The following BTBD17 variants were observed in gnomAD, a reference collection of about 807,000 sequenced individuals.
The protein encoded by BTBD17 is BTB/POZ domain-containing protein 17.
A neutral mutation model predicts 36.9 loss-of-function variants in BTBD17; 26 were observed. The ratio of observed to expected loss-of-function variants is 0.70; its 90% CI spans 0.52 to 0.98. The LOEUF (loss-of-function observed/expected upper bound fraction) is 0.98. Ranked by LOEUF, BTBD17 falls within the 50% of genes least tolerant of loss-of-function variation. BTBD17 has a pLI of 0.00. For missense variants in BTBD17, 630 were observed against 691.3 expected (o/e 0.91, Z 0.99); for synonymous variants, 341 against 338.0 (o/e 1.01, Z -0.10).
chr17:74,359,933 G>A, intron 2 of BTBD17, 36 bp downstream of exon 2: 1 of 1,584,768 alleles, frequency 6.3e-7, no homozygotes, highest in Non-Finnish European at 8.6e-7. Context: ...GGCTGAGGAA[G>A]GGATGAAGCC....
upstream of BTBD17, chr17:74,361,898 G>A (rs62063604): frequency 1.9e-3 from 2,314 of 1,210,228 alleles, 4 homozygotes; most frequent in Middle Eastern, 2.5e-3. Context: ...TCCTTATATA[G>A]GATCCGGCAC....
chr17:74,361,159 T>C (rs1265048762), intron 1 of BTBD17, among the ~76,000 whole-genome samples: 1 of 152,230 alleles, frequency 6.6e-6, no homozygotes, highest in African/African-American at 2.4e-5. Context: ...GGCCCTTTGC[T>C]TATGCTCCAG....
chr17:74,360,108 C>T lies in BTBD17; in HGVS notation c.223G>A (p.Asp75Asn), dbSNP rs571887144. The change falls in exon 2 of 3, where the codon GAT becomes AAT. Residue 75 changes from aspartate (D) to asparagine (N), a missense_variant. Asp to Asn is a conservative substitution (Grantham distance 23). Coordinates refer to ENST00000375366, the MANE Select transcript of BTBD17 (RefSeq NM_001080466.2). ...TGGGCGTGGAATACCCGGACCTCAT[C>T]GGTGCCCGCAGCCTGCACCCGCAGA... ...VVLRVQAAGT[D>N]EVRVFHAHRL... 7.4e-6 allele frequency: 12 copies of T among 1,613,304 alleles called. No homozygotes were observed. Among genetic ancestry groups the T allele is most frequent in the Admixed American group, 3.3e-5 (2 of 60,024 alleles).
intron 2 of BTBD17, among the ~76,000 whole-genome samples, chr17:74,358,900 T>C (rs1334516275): frequency 6.6e-6 from 1 of 152,236 alleles, no homozygotes; most frequent in East Asian, 1.9e-4. Context: ...TGCTGGTCAA[T>C]GGGCGCAGTT....
Position 74,356,425 on chromosome 17 carries a change from C to A in BTBD17, c.*232G>T. 1.6e-6 allele frequency: 1 copy of A among 632,708 alleles called. No homozygotes were observed. The highest frequency in any genetic ancestry group is 3.6e-5 in the East Asian group (1 of 28,160). 39.2% of individuals were successfully genotyped at this position (632,708 alleles called of 1,614,324 possible). A position where few individuals can be genotyped will look rare whatever the true frequency, so the allele number is the denominator to read the frequency against. On this transcript the variant is annotated 3_prime_UTR_variant, in exon 3 of 3. Transcript: ENST00000375366. This position sits in a 1 kb window ranked among gnomAD's most constrained non-coding sequence, Gnocchi z 4.3. The stretch of plus-strand genomic sequence containing the variant: ...GTGGTTCAATCATCCCTTTACCACT[C>A]TGAGCATCGGTTTATTCAGGACCAA...
Position 74,356,995 on chromosome 17 carries a change from C to A in BTBD17, c.1099G>T (p.Val367Phe). 6.7e-7 allele frequency: 1 copy of A among 1,485,874 alleles called. No homozygotes were observed. The highest frequency in any genetic ancestry group is 2.4e-5 in the Admixed American group (1 of 41,654). 92.0% of individuals were successfully genotyped at this position (1,485,874 alleles called of 1,614,324 possible). ...TCCGCGTAAACGGGCCGCAGGCTGA[C>A]GGGCAGCCAGCGCGGCGAGAAGAGC... ...NVLFSPRWLP[V>F]SLRPVYADAA... Residue 367 changes from valine (V) to phenylalanine (F), a missense_variant, in exon 3 of 3, where the codon GTC becomes TTC. By Grantham distance (50) the Val-to-Phe change is conservative. Transcript: ENST00000375366. The surrounding 1 kb of genome is among the most constrained non-coding windows in gnomAD (Gnocchi z 4.3).
At position 74,356,624 on chromosome 17, in the gene BTBD17, C is replaced by G. The variant is rs1598405161; in HGVS notation, c.*33G>C. On this transcript the variant is annotated 3_prime_UTR_variant, in exon 3 of 3. Transcript: ENST00000375366. This position sits in a 1 kb window ranked among gnomAD's most constrained non-coding sequence, Gnocchi z 4.3. The stretch of plus-strand genomic sequence containing the variant: ...GCCCTTCCCAGACCCACAGGGACCA[C>G]CTAGGCCAGGCCTTTATTCCCAGAC... 2 of 1,457,640 alleles carry G rather than the reference C, an allele frequency of 1.4e-6. No individual in the cohort carries two copies. Among genetic ancestry groups the G allele is most frequent in the East Asian group, 2.8e-5 (1 of 36,204 alleles). The allele number at this position is 1,457,640 out of a possible 1,614,324, so 90.3% of individuals were successfully genotyped here.
chr17:74,357,378 C>A lies in BTBD17; in HGVS notation c.716G>T (p.Gly239Val). 4.5e-6 allele frequency: 7 copies of A among 1,559,206 alleles called. No homozygotes were observed. Among genetic ancestry groups the A allele is most frequent in the Non-Finnish European group, 6.0e-6 (7 of 1,161,650 alleles). ...ELFHALEAWLGRARPPPAVAE... is the reference protein window; with the variant it reads ...ELFHALEAWLVRARPPPAVAE... ...CACGGCAGGGGGCGGCCGCGCGCGACCCAGCCAGGCCTCCAGCGCGTGGAA... is the reference window on the plus strand; with the variant it reads ...CACGGCAGGGGGCGGCCGCGCGCGAACCAGCCAGGCCTCCAGCGCGTGGAA... The change falls in exon 3 of 3, where the codon GGT (glycine) becomes GTT (valine). Residue 239 changes from glycine (G) to valine (V), a missense_variant. Physicochemically the swap from Gly to Val is moderately radical, Grantham distance 109. Transcript: ENST00000375366. This position sits in a 1 kb window ranked among gnomAD's most constrained non-coding sequence, Gnocchi z 8.4.
In BTBD17 at chr17:74,356,635, C is replaced by A. The variant is rs2144317835; in HGVS notation, c.*22G>T. 1.4e-6 allele frequency: 2 copies of A among 1,479,482 alleles called. No homozygotes were observed. Among genetic ancestry groups the A allele is most frequent in the Non-Finnish European group, 1.8e-6 (2 of 1,107,820 alleles). 91.6% of individuals were successfully genotyped at this position (1,479,482 alleles called of 1,614,324 possible). ...ACCCACAGGGACCACCTAGGCCAGG[C>A]CTTTATTCCCAGACCCCGAGGCTAC... On this transcript the variant is annotated 3_prime_UTR_variant, in exon 3 of 3. Coordinates refer to ENST00000375366, the MANE Select transcript of BTBD17 (RefSeq NM_001080466.2). This position sits in a 1 kb window ranked among gnomAD's most constrained non-coding sequence, Gnocchi z 4.3.
chr17:74,359,202 C>T (rs1250524578), intron 2 of BTBD17, among the ~76,000 whole-genome samples: 5 of 151,754 alleles, frequency 3.3e-5, no homozygotes, highest in Admixed American at 6.6e-5. Context: ...AAAACCACAG[C>T]GATGCTTTCA....
chr17:74,357,943 G>A lies in BTBD17; in HGVS notation c.363-212C>T, dbSNP rs539853352. ...TTCACAGGCTCTTCTTTCCGTTTCCGCGGTGATGTAGAAATTGCCTGCATT... is the reference window on the plus strand; with the variant it reads ...TTCACAGGCTCTTCTTTCCGTTTCCACGGTGATGTAGAAATTGCCTGCATT... On this transcript the variant is annotated intron_variant, in intron 2 of 2. Transcript: ENST00000375366. The surrounding 1 kb of genome is among the most constrained non-coding windows in gnomAD (Gnocchi z 8.4). Among the ~76,000 whole-genome samples the A allele has an allele frequency of 1.3e-5, 2 of 152,248 alleles. No homozygotes were observed. Among genetic ancestry groups the A allele is most frequent in the South Asian group, 2.1e-4 (1 of 4,826 alleles).
At chr17:74,361,964 A>C, upstream of BTBD17, 2 of 634,202 alleles carry the variant, frequency 3.2e-6, no homozygotes, top group South Asian at 2.0e-5. Context: ...AGCCTCCTCC[A>C]TGGATTGGTG....
rs780296607 is a variant in BTBD17 at position 74,356,649 on chromosome 17, C to T, written c.*8G>A. 6.0e-6 allele frequency: 9 copies of T among 1,502,774 alleles called. No homozygotes were observed. The highest frequency in any genetic ancestry group is 8.0e-6 in the Non-Finnish European group (9 of 1,118,678). 93.1% of individuals were successfully genotyped at this position (1,502,774 alleles called of 1,614,324 possible). ...CCTAGGCCAGGCCTTTATTCCCAGA[C>T]CCCGAGGCTACTTGGGGGTCCGGAT... On this transcript the variant is annotated 3_prime_UTR_variant, in exon 3 of 3. Coordinates refer to ENST00000375366, the MANE Select transcript of BTBD17 (RefSeq NM_001080466.2). This position sits in a 1 kb window ranked among gnomAD's most constrained non-coding sequence, Gnocchi z 4.3.
At chr17:74,361,615 G>C in intron 1 of BTBD17, 120 bp downstream of exon 1, 1 of 748,614 alleles carries the variant, frequency 1.3e-6, no homozygotes, top group African/African-American at 1.8e-5. Flanking sequence ...GAGCTGTCCG[G>C]TCCACCCCGT....
Position 74,361,816 on chromosome 17 carries a change from G to C in BTBD17, c.4C>G (p.Pro2Ala), listed in dbSNP as rs1160773707. 1 of 1,613,456 alleles carries C rather than the reference G, an allele frequency of 6.2e-7. No individual in the cohort carries two copies. Among genetic ancestry groups the C allele is most frequent in the Non-Finnish European group, 8.5e-7 (1 of 1,179,552 alleles). Residue 2 changes from proline (P) to alanine (A), a missense_variant, in exon 1 of 3, where the codon CCT becomes GCT. Pro to Ala is a conservative substitution (Grantham distance 27). Transcript: ENST00000375366. M[P>A]RRGYSKPGSW... ...CCAGGCTTGGAGTAGCCTCTCCTAGGCATCTTTATGCTCAGCCCCCAAGTC... is the reference window on the plus strand; with the variant it reads ...CCAGGCTTGGAGTAGCCTCTCCTAGCCATCTTTATGCTCAGCCCCCAAGTC...
chr17:74,359,790 G>A (rs1455836125), intron 2 of BTBD17, among the ~76,000 whole-genome samples, 179 bp downstream of exon 2: 1 of 152,166 alleles, frequency 6.6e-6, no homozygotes, highest in Non-Finnish European at 1.5e-5. Context: ...CAGATGACAC[G>A]GGCAAAGACA....
intron 2 of BTBD17, 109 bp downstream of exon 2, chr17:74,359,860 G>A (rs2054924586): frequency 2.7e-6 from 3 of 1,108,526 alleles, no homozygotes; most frequent in Admixed American, 4.1e-5. Flanking sequence ...GATGTCCGGG[G>A]AAATGGACAT....
At chr17:74,359,750 A>C (rs949626532) in intron 2 of BTBD17, among the ~76,000 whole-genome samples, 1 of 152,332 alleles carries the variant, frequency 6.6e-6, no homozygotes, top group Admixed American at 6.5e-5. Context: ...TGAGGGGGTT[A>C]CTAGGAACCG....
rs200345587 is a variant in BTBD17 at position 74,360,224 on chromosome 17, C to T, written c.107G>A (p.Gly36Glu). The T allele has an allele frequency of 1.5e-5, 24 of 1,605,968 alleles. No homozygotes were observed. Among genetic ancestry groups the T allele is most frequent in the Admixed American group, 6.7e-5 (4 of 59,780 alleles). The change falls in exon 2 of 3, where the codon GGG becomes GAG. Residue 36 changes from glycine to glutamate, a missense_variant. Transcript: ENST00000375366. ...THAAQRADVG[G>E]EAAGTSINHS... Reference sequence around the variant, plus strand: ...GTTGATGGAGGTGCCAGCTGCCTCCCCGCCAACATCGGCTCTCTGTGCTGC... The same window carrying T: ...GTTGATGGAGGTGCCAGCTGCCTCCTCGCCAACATCGGCTCTCTGTGCTGC...
Sources: gnomAD v4.1 joint callset for allele counts (sites outside exome capture counted in the v4.1 genomes callset) on GRCh38, gnomAD v4.1.1 for gene constraint, Gnocchi (gnomAD v3.1) non-coding constraint, MANE v1.5 for transcripts, NCBI Gene and HGNC (gene_info 2026-07-23, HGNC 2026-07-21) for gene names.